The following GALNT15 variants were observed in gnomAD, a reference collection of about 807,000 sequenced individuals.
GALNT15 encodes UDP-GalNAc transferase T15.
Under a neutral mutation model 66.8 loss-of-function variants are expected in GALNT15, and 67 were observed. The observed-to-expected ratio is 1.00, with a 90% confidence interval of 0.82 to 1.23. The LOEUF (loss-of-function observed/expected upper bound fraction) is 1.23, where lower values mean the gene tolerates loss of function less well. GALNT15 is among the 50% of genes most tolerant of loss of function. The pLI, the probability that GALNT15 is intolerant of heterozygous loss-of-function variation, is 0.00. For synonymous variants in GALNT15, 313 were observed against 311.5 expected (o/e 1.00, Z -0.05); for missense variants, 827 against 804.3 (o/e 1.03, Z -0.34).
chr3:16,179,484 T>A (rs1559674184), intron 1 of GALNT15, among the ~76,000 whole-genome samples: 1 of 152,156 alleles, frequency 6.6e-6, no homozygotes, highest in African/African-American at 2.4e-5. Flanking sequence ...TATCACAGCA[T>A]CCTTGATGGT....
chr3:16,232,473 T>TAAATAAATAAATAA (rs1559698324), downstream of GALNT15, among the ~76,000 whole-genome samples: 132 of 43,890 alleles, frequency 3.0e-3, no homozygotes, highest in African/African-American at 8.6e-3. Context: ...TAAATAAATA[T>TAAATAAATAAATAA]ATATATATAT....
Position 16,227,855 on chromosome 3 carries a change from C to A in GALNT15, c.*355C>A. ...GCAGCACCTCCAGGATACATAAATTCAATGGATCAATTTATTTGTCTTCAA... is the reference window on the plus strand; with the variant it reads ...GCAGCACCTCCAGGATACATAAATTAAATGGATCAATTTATTTGTCTTCAA... On this transcript the variant is annotated 3_prime_UTR_variant, in exon 10 of 10. Coordinates refer to ENST00000339732, the MANE Select transcript of GALNT15 (RefSeq NM_054110.5). This position sits in a 1 kb window ranked among gnomAD's most constrained non-coding sequence, Gnocchi z 4.5. The A allele has an allele frequency of 9.6e-7, 1 of 1,037,384 alleles. No individual in the cohort carries two copies. The highest frequency in any genetic ancestry group is 1.2e-6 in the Non-Finnish European group (1 of 863,678). 64.3% of individuals were successfully genotyped at this position (1,037,384 alleles called of 1,614,324 possible).
At chr3:16,202,506 G>A (rs1351597555) in intron 3 of GALNT15, among the ~76,000 whole-genome samples, 5 of 152,150 alleles carry the variant, frequency 3.3e-5, no homozygotes, top group Non-Finnish European at 7.3e-5. Context: ...GGTAGCGTGC[G>A]CCTGTAATCC....
chr3:16,239,553 C>A, the GALNT15 span, among the ~76,000 whole-genome samples: 1 of 152,194 alleles, frequency 6.6e-6, no homozygotes, highest in Non-Finnish European at 1.5e-5. The surrounding 1 kb of genome is among the most constrained non-coding windows in gnomAD (Gnocchi z 5.2). Context: ...TCCGTGTACT[C>A]AGTTTGGGAT....
At chr3:16,199,679 A>C (rs2063678180) in intron 2 of GALNT15, among the ~76,000 whole-genome samples, 1 of 97,334 alleles carries the variant, frequency 1.0e-5, no homozygotes, top group African/African-American at 3.8e-5. Flanking sequence ...AAGTCCAGCC[A>C]TAGCCTGATC....
rs569229424 is a variant in GALNT15, at chr3:16,179,538, G to A, written c.539+3848G>A. On this transcript the variant is annotated intron_variant, in intron 1 of 9. Coordinates refer to ENST00000339732, the MANE Select transcript of GALNT15 (RefSeq NM_054110.5). ...ACCAGGATGTCTTGTCACAGGGCAG[G>A]AGGAGCTGGGTGCACCCTATGAGAT... 2.0e-5 allele frequency among the ~76,000 whole-genome samples: 3 copies of A among 152,314 alleles called. No individual in the cohort carries two copies. The South Asian group carries it at 6.2e-4, about 32-fold the overall frequency.
At chr3:16,245,324 T>C in the GALNT15 span, among the ~76,000 whole-genome samples, 3 of 152,194 alleles carry the variant, frequency 2.0e-5, no homozygotes, top group African/African-American at 7.2e-5. Flanking sequence ...ATGCTCTGCT[T>C]TCAGGGAAAC....
At position 16,175,319 on chromosome 3, in the gene GALNT15, G is replaced by C. The variant is rs569926538; in HGVS notation, c.168G>C (p.Arg56Ser). The stretch of plus-strand genomic sequence containing the variant: ...CCAGCAAGCACAGCCCTGAAGCCAG[G>C]TACCGCCTGGACTTTGGGGAATCCC... Reference protein sequence around the residue: ...AQASKHSPEARYRLDFGESQD... With the variant: ...AQASKHSPEASYRLDFGESQD... Residue 56 changes from arginine to serine, a missense_variant, in exon 1 of 10, where the codon AGG (arginine) becomes AGC (serine). Arg to Ser is a moderately radical substitution (Grantham distance 110). Transcript: ENST00000339732. The surrounding 1 kb of genome is among the most constrained non-coding windows in gnomAD (Gnocchi z 5.6). 6.2e-7 allele frequency: 1 copy of C among 1,614,074 alleles called. No individual in the cohort carries two copies. Among genetic ancestry groups the C allele is most frequent in the Admixed American group, 1.7e-5 (1 of 60,016 alleles).
chr3:16,213,719 T>G (rs1480034075), intron 6 of GALNT15, among the ~76,000 whole-genome samples: 5 of 152,132 alleles, frequency 3.3e-5, no homozygotes, highest in Non-Finnish European at 5.9e-5. Flanking sequence ...CAGCCCACAC[T>G]GCTGGGGTGT....
intron 3 of GALNT15, among the ~76,000 whole-genome samples, chr3:16,201,535 G>A (rs1482341670): frequency 1.3e-5 from 2 of 152,062 alleles, no homozygotes; most frequent in Non-Finnish European, 2.9e-5. Context: ...AAAAGTCTCT[G>A]AACTACACTA....
In GALNT15 at chr3:16,182,324, C is replaced by T. The variant is rs117863079; in HGVS notation, c.539+6634C>T. On this transcript the variant is annotated intron_variant, in intron 1 of 9. Coordinates refer to ENST00000339732, the MANE Select transcript of GALNT15 (RefSeq NM_054110.5). The surrounding 1 kb of genome is among the most constrained non-coding windows in gnomAD (Gnocchi z 6.1). ...CCCACTCACATTAGAACCAATGAGT[C>T]GTCATGTCAAGGCTCCAAAGCAGAC... is the stretch of plus-strand genomic sequence containing the variant. Among the ~76,000 whole-genome samples the T allele has an allele frequency of 2.6e-5, 4 of 152,270 alleles. No homozygotes were observed. The highest frequency in any genetic ancestry group is 1.9e-4 in the East Asian group (1 of 5,182).
In GALNT15 at chr3:16,193,852, C is replaced by T. The variant is rs187962028; in HGVS notation, c.540-1908C>T. On this transcript the variant is annotated intron_variant, in intron 1 of 9. Coordinates refer to ENST00000339732, the MANE Select transcript of GALNT15 (RefSeq NM_054110.5). This position sits in a 1 kb window ranked among gnomAD's most constrained non-coding sequence, Gnocchi z 4.7. Reference sequence around the variant, plus strand: ...GCAGCAGCTGCAACTCAGAAAGAGGCTCTTCAGAAACACACGTTAAGAAAG... The same window carrying T: ...GCAGCAGCTGCAACTCAGAAAGAGGTTCTTCAGAAACACACGTTAAGAAAG... Among the ~76,000 whole-genome samples, 100 of 152,296 alleles carry T rather than the reference C, an allele frequency of 6.6e-4. 1 individual carries two copies. Among genetic ancestry groups the T allele is most frequent in the Non-Finnish European group, 1.2e-3 (84 of 68,016 alleles).
intron 6 of GALNT15, 45 bp downstream of exon 6, chr3:16,212,808 A>G (rs745463745): frequency 1.3e-6 from 2 of 1,548,598 alleles, no homozygotes; most frequent in East Asian, 2.3e-5. Flanking sequence ...GCACAGGGCC[A>G]CTAGCAGGAG....
intron 3 of GALNT15, among the ~76,000 whole-genome samples, chr3:16,206,412 G>A (rs550187215): frequency 6.6e-6 from 1 of 150,392 alleles, no homozygotes; most frequent in Non-Finnish European, 1.5e-5. Flanking sequence ...GATGGTTCAC[G>A]CCTGTAATCC....
At chr3:16,245,901 T>C in the GALNT15 span, among the ~76,000 whole-genome samples, 88 of 152,298 alleles carry the variant, frequency 5.8e-4, 1 homozygote, top group Non-Finnish European at 7.6e-4. Context: ...AACTGGAGTG[T>C]CTAAAACAGT....
intron 5 of GALNT15, 129 bp from the exon 6 acceptor site, chr3:16,212,440 A>G (rs1490526761): frequency 2.5e-6 from 2 of 811,648 alleles, no homozygotes; most frequent in East Asian, 5.4e-5. Context: ...TGAGGACCAT[A>G]ATCATCTTCA....
In GALNT15 at chr3:16,183,818, G is replaced by A. The variant is rs2063492561; in HGVS notation, c.539+8128G>A. 2.0e-5 allele frequency among the ~76,000 whole-genome samples: 3 copies of A among 151,988 alleles called. No individual in the cohort carries two copies. The highest frequency in any genetic ancestry group is 6.6e-5 in the Admixed American group (1 of 15,254). ...GGAAGAGCGTCAGTACTACAGCCAGGCCATCTGGTGCAATGCTGTGACTCA... is the reference window on the plus strand; with the variant it reads ...GGAAGAGCGTCAGTACTACAGCCAGACCATCTGGTGCAATGCTGTGACTCA... On this transcript the variant is annotated intron_variant, in intron 1 of 9. Coordinates refer to ENST00000339732, the MANE Select transcript of GALNT15 (RefSeq NM_054110.5). The surrounding 1 kb of genome is among the most constrained non-coding windows in gnomAD (Gnocchi z 5.2).
In GALNT15 at chr3:16,229,296, C is replaced by A. The variant is rs1287434438; in HGVS notation, c.*1796C>A. 1.6e-5 allele frequency: 15 copies of A among 958,472 alleles called. No individual in the cohort carries two copies. Among genetic ancestry groups the A allele is most frequent in the Non-Finnish European group, 1.9e-5 (15 of 805,434 alleles). The allele number at this position is 958,472 out of a possible 1,614,324, so 59.4% of individuals were successfully genotyped here. ...TGCTGTCTAATATGGTAGCCACTAA[C>A]AAAATGTGGCCATTTTGATGGAAAT... On this transcript the variant is annotated 3_prime_UTR_variant, in exon 10 of 10. Coordinates refer to ENST00000339732, the MANE Select transcript of GALNT15 (RefSeq NM_054110.5).
downstream of GALNT15, among the ~76,000 whole-genome samples, chr3:16,235,992 C>T (rs190951437): frequency 3.0e-3 from 449 of 150,988 alleles, 2 homozygotes; most frequent in Non-Finnish European, 5.4e-3. Context: ...GTAATCCCAT[C>T]TACTCGGGAG....
Sources: allele counts gnomAD v4.1 joint callset (sites outside exome capture counted in the v4.1 genomes callset), GRCh38; gene constraint gnomAD v4.1.1; non-coding constraint Gnocchi (gnomAD v3.1); transcripts MANE v1.5; gene names NCBI Gene and HGNC (gene_info 2026-07-23, HGNC 2026-07-21).